The following ERC2 variants were observed in gnomAD, a reference collection of about 807,000 sequenced individuals.
ERC2 encodes ERC protein 2.
In ERC2, 42 loss-of-function variants were observed where a neutral mutation model predicts 114.8. That is an observed-to-expected ratio of 0.37 (90% CI 0.29 to 0.47). The LOEUF (loss-of-function observed/expected upper bound fraction) is 0.47. ERC2 is among the 20% of genes least tolerant of loss of function. ERC2 has a pLI of 0.99. For synonymous variants in ERC2, 454 were observed against 425.5 expected (o/e 1.07, Z -0.82); for missense variants, 939 against 1,150.7 (o/e 0.82, Z 2.66).
intron 16 of ERC2, among the ~76,000 whole-genome samples, chr3:55,686,539 C>T (rs2062341631): frequency 1.3e-5 from 2 of 152,182 alleles, no homozygotes; most frequent in South Asian, 2.1e-4. Context: ...ACATATGCAG[C>T]TGTTTCACTG....
chr3:55,994,746 T>C (rs935211781), intron 10 of ERC2, among the ~76,000 whole-genome samples: 3 of 149,342 alleles, frequency 2.0e-5, no homozygotes, highest in Non-Finnish European at 4.4e-5. Context: ...TTATTTTAGC[T>C]CCATGAAGAA....
chr3:56,176,864 GC>G (rs1205866655), intron 3 of ERC2, among the ~76,000 whole-genome samples: 2 of 152,200 alleles, frequency 1.3e-5, no homozygotes, highest in Non-Finnish European at 2.9e-5. Context: ...CCTAGGTGGG[GC>G]CATGGGACTT....
chr3:55,974,362 T>A (rs943676186), intron 12 of ERC2, among the ~76,000 whole-genome samples: 1 of 152,236 alleles, frequency 6.6e-6, no homozygotes, highest in African/African-American at 2.4e-5. Flanking sequence ...TCAAGGCAGA[T>A]ACAGATACTG....
chr3:56,453,910 A>C (rs928611450), intron 1 of ERC2, among the ~76,000 whole-genome samples: 7 of 152,192 alleles, frequency 4.6e-5, no homozygotes, highest in Non-Finnish European at 5.9e-5. Flanking sequence ...TCGTATGATC[A>C]GTACACATGT....
chr3:55,929,358 T>G (rs1367809611), intron 13 of ERC2, among the ~76,000 whole-genome samples: 1 of 152,156 alleles, frequency 6.6e-6, no homozygotes, highest in African/African-American at 2.4e-5. Flanking sequence ...GCCACACCCC[T>G]CACAGGTACT....
chr3:56,148,180 G>A (rs761437759), intron 5 of ERC2, among the ~76,000 whole-genome samples: 14 of 152,200 alleles, frequency 9.2e-5, no homozygotes, highest in East Asian at 7.7e-4. Context: ...CCTATTTCAC[G>A]GATAAAGAAA....
chr3:56,221,848 G>A (rs1271788238), intron 3 of ERC2, among the ~76,000 whole-genome samples: 1 of 152,008 alleles, frequency 6.6e-6, no homozygotes, highest in Admixed American at 6.5e-5. Context: ...AGTGAGCAGA[G>A]ATCGTGCCAC....
At chr3:56,174,931 T>C (rs1317874941) in intron 3 of ERC2, among the ~76,000 whole-genome samples, 2 of 149,034 alleles carry the variant, frequency 1.3e-5, no homozygotes, top group African/African-American at 5.0e-5. Flanking sequence ...TGAGCCGAGA[T>C]CACGCCACTG....
intron 14 of ERC2, among the ~76,000 whole-genome samples, chr3:55,753,203 A>C (rs1322592873): frequency 1.3e-5 from 2 of 152,116 alleles, no homozygotes; most frequent in East Asian, 3.9e-4. Flanking sequence ...AAGGGGAGAG[A>C]AGTCTGAACC....
Position 55,526,242 on chromosome 3 carries a change from T to C in ERC2, c.*40-14966A>G, listed in dbSNP as rs550500088. On this transcript the variant is annotated intron_variant, in intron 17 of 17. Transcript: ENST00000288221. Reference sequence around the variant, plus strand: ...AATGGCCCTGCCAGCACCTTGATTTTGGACTTCTGGCCTCCAGAACCATGA... The same window carrying C: ...AATGGCCCTGCCAGCACCTTGATTTCGGACTTCTGGCCTCCAGAACCATGA... 7.2e-5 allele frequency among the ~76,000 whole-genome samples: 11 copies of C among 152,316 alleles called. No individual in the cohort carries two copies. The South Asian group carries it at 2.3e-3, about 32-fold the overall frequency.
chr3:56,275,600 T>C (rs938620284), intron 3 of ERC2, among the ~76,000 whole-genome samples: 1 of 152,222 alleles, frequency 6.6e-6, no homozygotes, highest in East Asian at 1.9e-4. Context: ...GATCAGTGCA[T>C]CTCAGACCTT....
intron 13 of ERC2, among the ~76,000 whole-genome samples, chr3:55,925,892 A>G (rs1481980903): frequency 6.6e-6 from 1 of 152,204 alleles, no homozygotes. Context: ...TATAAAATGT[A>G]TATCACATGT....
At chr3:55,696,989 G>A (rs1314814025) in intron 16 of ERC2, among the ~76,000 whole-genome samples, 1 of 152,210 alleles carries the variant, frequency 6.6e-6, no homozygotes, top group East Asian at 1.9e-4. Context: ...GACCCCCACT[G>A]CAGAATAAGT....
At chr3:55,721,803 C>T (rs1295876486) in intron 15 of ERC2, among the ~76,000 whole-genome samples, 1 of 152,228 alleles carries the variant, frequency 6.6e-6, no homozygotes, top group African/African-American at 2.4e-5. Flanking sequence ...ACAACAGAAA[C>T]TCTGCCTGGC....
At chr3:55,516,220 A>G (rs1255655929) in intron 17 of ERC2, among the ~76,000 whole-genome samples, 1 of 150,976 alleles carries the variant, frequency 6.6e-6, no homozygotes, top group Non-Finnish European at 1.5e-5. Context: ...GCTCACAGGA[A>G]AACCCAATAG....
At chr3:56,210,785 G>A (rs998249920) in intron 3 of ERC2, among the ~76,000 whole-genome samples, 4 of 152,108 alleles carry the variant, frequency 2.6e-5, no homozygotes, top group African/African-American at 9.7e-5. Context: ...TTTAATAGAA[G>A]ACAACCTGTA....
At chr3:56,104,469 C>T (rs1259557928) in intron 6 of ERC2, among the ~76,000 whole-genome samples, 4 of 152,176 alleles carry the variant, frequency 2.6e-5, no homozygotes, top group Admixed American at 2.6e-4. Context: ...TTAGACACTG[C>T]TAAGACTTTG....
intron 10 of ERC2, among the ~76,000 whole-genome samples, chr3:55,994,399 C>T (rs1458185696): frequency 6.6e-6 from 1 of 151,902 alleles, no homozygotes; most frequent in Non-Finnish European, 1.5e-5. Flanking sequence ...TAAGTGGGTA[C>T]AGGATTACTA....
chr3:55,728,903 C>A (rs2065081179), intron 15 of ERC2, among the ~76,000 whole-genome samples: 1 of 152,196 alleles, frequency 6.6e-6, no homozygotes, highest in African/African-American at 2.4e-5. Context: ...GTGTGACAGG[C>A]AAATTCTGGC....
Sources: allele counts gnomAD v4.1 joint callset (sites outside exome capture counted in the v4.1 genomes callset), GRCh38; gene constraint gnomAD v4.1.1; transcripts MANE v1.5; gene names NCBI Gene and HGNC (gene_info 2026-07-23, HGNC 2026-07-21).